The following CSF1R variants were observed in gnomAD, a reference collection of about 807,000 sequenced individuals.
CSF1R encodes macrophage colony-stimulating factor 1 receptor.
CSF1R carries 40 observed loss-of-function variants against 110.0 expected under a neutral mutation model. The ratio of observed to expected loss-of-function variants is 0.36; its 90% CI spans 0.28 to 0.47. CSF1R has a LOEUF of 0.47. CSF1R is among the 20% of genes least tolerant of loss of function. The probability of loss-of-function intolerance (pLI) is 0.99; values close to 1 mark genes in which losing one functional copy is unlikely to be tolerated. For synonymous variants in CSF1R, 523 were observed against 503.4 expected, an observed-to-expected ratio of 1.04 and a Z score of -0.52; for missense variants, 1,052 against 1,253.0, an observed-to-expected ratio of 0.84 and a Z score of 2.42.
chr5:150,069,851 G>C (rs765257996), intron 9 of CSF1R, 22 bp downstream of exon 9: 3 of 1,577,594 alleles, frequency 1.9e-6, no homozygotes, highest in Non-Finnish European at 2.6e-6. Context: ...GGGGCGGTGC[G>C]GGTGCGAAGG....
At chr5:150,063,847 G>A (rs1379413218) in intron 10 of CSF1R, among the ~76,000 whole-genome samples, 5 of 152,172 alleles carry the variant, frequency 3.3e-5, no homozygotes, top group Non-Finnish European at 5.9e-5. Flanking sequence ...CCAGGCCTTG[G>A]GGATGGGACA....
intron 1 of CSF1R, among the ~76,000 whole-genome samples, chr5:150,099,742 G>T (rs1418421746): frequency 2.6e-5 from 4 of 151,536 alleles, no homozygotes; most frequent in African/African-American, 7.3e-5. Flanking sequence ...AGAACCGGCA[G>T]GGGGGTGGGG....
At chr5:150,111,610 C>A (rs1369865639) in intron 1 of CSF1R, among the ~76,000 whole-genome samples, 1 of 152,204 alleles carries the variant, frequency 6.6e-6, no homozygotes, top group Non-Finnish European at 1.5e-5. Context: ...TTGTCGCAGG[C>A]TTCCCCAGTC....
chr5:150,101,746 C>T (rs1759412026), intron 1 of CSF1R, among the ~76,000 whole-genome samples: 1 of 151,328 alleles, frequency 6.6e-6, no homozygotes, highest in South Asian at 2.1e-4. Context: ...GAAGGCCCCC[C>T]AAACCCTTAT....
At chr5:150,071,650 G>A (rs1440457654) in intron 6 of CSF1R, among the ~76,000 whole-genome samples, 8 of 152,156 alleles carry the variant, frequency 5.3e-5, no homozygotes, top group Non-Finnish European at 1.5e-5. Flanking sequence ...TTGGTGTCCA[G>A]GCTTGTCTGC....
intron 4 of CSF1R, 75 bp from the exon 5 acceptor site, chr5:150,077,510 C>T (rs1758321149): frequency 2.7e-6 from 4 of 1,467,688 alleles, no homozygotes; most frequent in African/African-American, 1.4e-5. Context: ...CAATCCTCAG[C>T]CTTTAAGGAT....
intron 1 of CSF1R, among the ~76,000 whole-genome samples, chr5:150,103,734 AATAGCATAGGGG>A (rs1014144726): frequency 1.3e-5 from 2 of 152,168 alleles, no homozygotes; most frequent in African/African-American, 2.4e-5. Context: ...CAGGAGAGGG[AATAGCATAGGGG>A]CAGAGAGGGT....
intron 10 of CSF1R, among the ~76,000 whole-genome samples, chr5:150,066,534 G>A (rs1036800651): frequency 2.0e-5 from 3 of 152,182 alleles, no homozygotes; most frequent in South Asian, 2.1e-4. Context: ...AGAGGACAGC[G>A]AGTCAGCTGA....
At position 150,109,016 on chromosome 5, in the gene CSF1R, T is replaced by C. The variant is rs73277713; in HGVS notation, c.-181+4245A>G. Among the ~76,000 whole-genome samples, 910 of 150,506 alleles carry C rather than the reference T, an allele frequency of 6.0e-3. 10 individuals are homozygous for C. Among genetic ancestry groups the C allele is most frequent in the African/African-American group, 0.021 (870 of 40,736 alleles). ...TCTTCCAAGCTGTGGGAAACTTTCA[T>C]GGCCCAGAGCGGCCCCAGAACCCCA... is the stretch of plus-strand genomic sequence containing the variant. On this transcript the variant is annotated intron_variant, in intron 1 of 21. Transcript: ENST00000286301.
intron 1 of CSF1R, among the ~76,000 whole-genome samples, chr5:150,081,383 A>G (rs1263860336): frequency 6.6e-6 from 1 of 152,092 alleles, no homozygotes; most frequent in Non-Finnish European, 1.5e-5. Context: ...CCTGTGTACA[A>G]AGTGGACGTA....
At chr5:150,105,866 A>G (rs985810216) in intron 1 of CSF1R, among the ~76,000 whole-genome samples, 1 of 152,214 alleles carries the variant, frequency 6.6e-6, no homozygotes, top group East Asian at 1.9e-4. Context: ...GCCAGGCACC[A>G]CAGCAGGCTC....
upstream of CSF1R, among the ~76,000 whole-genome samples, chr5:150,089,956 A>G (rs1758985209): frequency 6.6e-6 from 1 of 152,198 alleles, no homozygotes; most frequent in Non-Finnish European, 1.5e-5. Flanking sequence ...CATAGGTGCT[A>G]AAAGAACTAG....
intron 1 of CSF1R, among the ~76,000 whole-genome samples, chr5:150,091,737 T>C (rs79459330): frequency 0.071 from 10,836 of 151,678 alleles, 526 homozygotes; most frequent in Non-Finnish European, 0.11. Flanking sequence ...CACCTTAAAA[T>C]GGTTAATGTT....
At chr5:150,105,433 CT>C (rs1355709870) in intron 1 of CSF1R, among the ~76,000 whole-genome samples, 1 of 142,814 alleles carries the variant, frequency 7.0e-6, no homozygotes, top group Non-Finnish European at 1.5e-5. Flanking sequence ...CGAGGCTGAT[CT>C]CGAACTCCTG....
At chr5:150,077,251 T>C (rs1396186290) in intron 5 of CSF1R, 25 bp downstream of exon 5, 30 of 1,613,980 alleles carry the variant, frequency 1.9e-5, no homozygotes, top group Non-Finnish European at 2.5e-5. Flanking sequence ...CCCTACCGAC[T>C]GTCCACCACC....
chr5:150,099,171 G>T (rs987853918), intron 1 of CSF1R, among the ~76,000 whole-genome samples: 6 of 150,874 alleles, frequency 4.0e-5, no homozygotes, highest in African/African-American at 7.3e-5. Context: ...GCCTCCCAAA[G>T]TGCTGGGATT....
chr5:150,099,770 G>A (rs1032687619), intron 1 of CSF1R, among the ~76,000 whole-genome samples: 26 of 152,116 alleles, frequency 1.7e-4, no homozygotes, highest in Non-Finnish European at 3.1e-4. Flanking sequence ...GAATTTTTTG[G>A]TGATGGAAAT....
At chr5:150,059,275 C>T (rs1167198380) in intron 14 of CSF1R, among the ~76,000 whole-genome samples, 1 of 152,048 alleles carries the variant, frequency 6.6e-6, no homozygotes, top group African/African-American at 2.4e-5. Context: ...AACTCCCATC[C>T]TCAGGTGATC....
At chr5:150,082,400 C>A (rs1415127621) in intron 1 of CSF1R, among the ~76,000 whole-genome samples, 1 of 152,232 alleles carries the variant, frequency 6.6e-6, no homozygotes, top group Non-Finnish European at 1.5e-5. Context: ...ATTTTGTATT[C>A]ATCAGAATGT....
Sources: allele counts gnomAD v4.1 joint callset (sites outside exome capture counted in the v4.1 genomes callset), GRCh38; gene constraint gnomAD v4.1.1; transcripts MANE v1.5; gene names NCBI Gene and HGNC (gene_info 2026-07-23, HGNC 2026-07-21).